Variants in SLC16A1 observed in about 807,000 individuals in gnomAD.
The protein encoded by SLC16A1 is solute carrier family 16 member 1.
SLC16A1 carries 11 observed loss-of-function variants against 32.2 expected under a neutral mutation model. That is an observed-to-expected ratio of 0.34 (90% confidence interval 0.21 to 0.56). SLC16A1 has a LOEUF of 0.56. Among genes scored for constraint, SLC16A1 ranks in the 20% least tolerant of loss-of-function variants. The pLI is 0.87. For synonymous variants in SLC16A1, 231 were observed against 226.8 expected (o/e 1.02, Z -0.17); for missense variants, 435 against 615.0 (o/e 0.71, Z 3.10).
chr1:112,934,984 G>A (rs992263788), intron 1 of SLC16A1, among the ~76,000 whole-genome samples: 9 of 152,066 alleles, frequency 5.9e-5, no homozygotes, highest in African/African-American at 2.2e-4. Context: ...ATAGCAATAT[G>A]AATATTTAAA....
At chr1:112,941,377 A>C (rs2101645332) in intron 1 of SLC16A1, among the ~76,000 whole-genome samples, 1 of 145,594 alleles carries the variant, frequency 6.9e-6, no homozygotes, top group East Asian at 2.0e-4. Flanking sequence ...CGCCTCCTGG[A>C]TTCAAGCAAT....
At chr1:112,929,522 G>T (rs558654996) in intron 1 of SLC16A1, among the ~76,000 whole-genome samples, 170 bp from the exon 2 acceptor site, 7 of 151,852 alleles carry the variant, frequency 4.6e-5, no homozygotes, top group African/African-American at 1.7e-4. Flanking sequence ...AAGACAGCCC[G>T]GGCAACACAG....
At chr1:112,951,467 C>G (rs1040529347) in intron 1 of SLC16A1, among the ~76,000 whole-genome samples, 1 of 151,946 alleles carries the variant, frequency 6.6e-6, no homozygotes, top group Admixed American at 6.6e-5. Flanking sequence ...TTCAAAATGC[C>G]CAAGAAGCAA....
chr1:112,922,597 A>C (rs1341592232), intron 2 of SLC16A1, among the ~76,000 whole-genome samples: 1 of 152,114 alleles, frequency 6.6e-6, no homozygotes, highest in Non-Finnish European at 1.5e-5. Flanking sequence ...AACATGGCGA[A>C]ACCCCGTCTC....
intron 1 of SLC16A1, chr1:112,936,017 G>T (rs1057189997): frequency 6.6e-6 from 1 of 152,020 alleles, no homozygotes; most frequent in African/African-American, 2.4e-5. Context: ...AGCTGTGTTT[G>T]GCACTAAAGA....
chr1:112,927,648 G>A (rs1002766007), intron 2 of SLC16A1, among the ~76,000 whole-genome samples: 6 of 152,192 alleles, frequency 3.9e-5, no homozygotes, highest in Non-Finnish European at 5.9e-5. Context: ...ATTAAAAATA[G>A]AAAGGGGTAC....
intron 4 of SLC16A1, among the ~76,000 whole-genome samples, chr1:112,915,395 A>T (rs1648465981): frequency 3.9e-5 from 6 of 152,138 alleles, no homozygotes; most frequent in South Asian, 2.1e-4. Context: ...TGTGAGGGGA[A>T]AGAAGGGCCA....
At chr1:112,935,173 G>A (rs1649257148) in intron 1 of SLC16A1, among the ~76,000 whole-genome samples, 1 of 152,176 alleles carries the variant, frequency 6.6e-6, no homozygotes, top group Admixed American at 6.5e-5. Context: ...CCAACACTTT[G>A]GGAGGCCGAG....
chr1:112,953,807 T>C (rs1649984751), intron 1 of SLC16A1, among the ~76,000 whole-genome samples: 1 of 152,222 alleles, frequency 6.6e-6, no homozygotes, highest in African/African-American at 2.4e-5. Flanking sequence ...TTAAACAGTA[T>C]TTCCTCAGAG....
chr1:112,951,354 GCTACCTT>G (rs1299674805), intron 1 of SLC16A1, among the ~76,000 whole-genome samples: 1 of 152,100 alleles, frequency 6.6e-6, no homozygotes, highest in Non-Finnish European at 1.5e-5. Context: ...TTTAAGCCTG[GCTACCTT>G]CAAGAATGGT....
At chr1:112,942,376 GA>G (rs1649538657) in intron 1 of SLC16A1, among the ~76,000 whole-genome samples, 1 of 152,166 alleles carries the variant, frequency 6.6e-6, no homozygotes, top group Non-Finnish European at 1.5e-5. Context: ...GAAATTTTTT[GA>G]AAAGGCATAA....
Position 112,931,644 on chromosome 1 carries a change from CAAAAAA to C in SLC16A1, c.-44-2298_-44-2293del, listed in dbSNP as rs561013159. Among the ~76,000 whole-genome samples the C allele has an allele frequency of 1.0e-2, 618 of 62,030 alleles. 15 individuals carry two copies. Among genetic ancestry groups the C allele is most frequent in the Admixed American group, 0.096 (534 of 5,546 alleles). The allele number at this position is 62,030 out of a possible 152,430, so 40.7% of individuals were successfully genotyped here. A position where few individuals can be genotyped will look rare whatever the true frequency, so the allele number is the denominator to read the frequency against. ...TGGGCGACAGAGTAATACTCTGTCT[CAAAAAA>C]AAAAAAAAAAAAAAAAAAGTAGTTT... On this transcript the variant is annotated intron_variant, in intron 1 of 4. Transcript: ENST00000369626.
intron 1 of SLC16A1, among the ~76,000 whole-genome samples, chr1:112,942,190 T>G (rs937208126): frequency 2.0e-5 from 3 of 152,180 alleles, no homozygotes; most frequent in African/African-American, 7.2e-5. Flanking sequence ...CAGGCTGGTC[T>G]CAAACTCCTG....
chr1:112,917,673 C>G lies in SLC16A1; in HGVS notation c.733G>C (p.Val245Leu), dbSNP rs758263488. The G allele has an allele frequency of 6.2e-7, 1 of 1,614,236 alleles. No homozygotes were observed. The highest frequency in any genetic ancestry group is 2.2e-5 in the East Asian group (1 of 44,892). Residue 245 changes from valine to leucine, a missense_variant, in exon 4 of 5, where the codon GTC becomes CTC. Transcript: ENST00000369626. The surrounding 1 kb of genome is among the most constrained non-coding windows in gnomAD (Gnocchi z 4.1). The part of the protein sequence containing the change: ...GRHPKQEKRS[V>L]FQTINQFLDL... The stretch of plus-strand genomic sequence containing the variant: ...AGGAACTGATTAATTGTTTGGAAGA[C>G]TGATCGTTTCTCTTGTTTAGGGTGT...
At chr1:112,945,770 A>G (rs1649682008) in intron 1 of SLC16A1, among the ~76,000 whole-genome samples, 1 of 151,948 alleles carries the variant, frequency 6.6e-6, no homozygotes, top group Non-Finnish European at 1.5e-5. Flanking sequence ...AGGCAGACAG[A>G]TCACCTGAGG....
In SLC16A1 at chr1:112,936,186, T is replaced by C. The variant is rs544128488; in HGVS notation, c.-44-6834A>G. Reference sequence around the variant, plus strand: ...TGTTGATACACATCTCTGTGATAACTATCTCATTTTTATAATAATAATTCT... The same window carrying C: ...TGTTGATACACATCTCTGTGATAACCATCTCATTTTTATAATAATAATTCT... On this transcript the variant is annotated intron_variant, in intron 1 of 4. Coordinates refer to ENST00000369626, the MANE Select transcript of SLC16A1 (RefSeq NM_003051.4). Among the ~76,000 whole-genome samples the C allele has an allele frequency of 3.3e-5, 5 of 149,648 alleles. No individual in the cohort carries two copies. The South Asian group carries it at 1.1e-3, about 32-fold the overall frequency.
intron 1 of SLC16A1, among the ~76,000 whole-genome samples, chr1:112,953,153 CTTTT>C (rs55766100): frequency 5.4e-5 from 7 of 130,188 alleles, no homozygotes; most frequent in Admixed American, 3.3e-4. Flanking sequence ...ACTGAAAATC[CTTTT>C]TTTTTTTTTT....
chr1:112,922,734 C>T (rs542820403), intron 2 of SLC16A1, among the ~76,000 whole-genome samples: 1 of 152,090 alleles, frequency 6.6e-6, no homozygotes, highest in African/African-American at 2.4e-5. Context: ...AAGATTGCGC[C>T]ACTGCACTCC....
At chr1:112,932,096 G>A (rs538205086) in intron 1 of SLC16A1, among the ~76,000 whole-genome samples, 72 of 152,212 alleles carry the variant, frequency 4.7e-4, no homozygotes, top group African/African-American at 1.4e-3. Context: ...TGGACATTGC[G>A]GGAGTATGAT....
Sources: gnomAD v4.1 joint callset for allele counts (sites outside exome capture counted in the v4.1 genomes callset) on GRCh38, gnomAD v4.1.1 for gene constraint, Gnocchi (gnomAD v3.1) non-coding constraint, MANE v1.5 for transcripts, NCBI Gene and HGNC (gene_info 2026-07-23, HGNC 2026-07-21) for gene names.